The following VPS13C variants were observed in gnomAD, a reference collection of about 807,000 sequenced individuals.
The protein encoded by VPS13C is vacuolar protein sorting 13 homolog C, also known as intermembrane lipid transfer protein VPS13C.
VPS13C carries 358 observed loss-of-function variants against 456.8 expected under a neutral mutation model. The observed-to-expected ratio is 0.78, with a 90% confidence interval of 0.72 to 0.86. The LOEUF is 0.86. VPS13C is among the 40% of genes least tolerant of loss of function. VPS13C has a pLI of 0.00. For synonymous variants in VPS13C, 1,578 were observed against 1,486.7 expected, an observed-to-expected ratio of 1.06 and a Z score of -1.41; for missense variants, 4,818 against 4,385.4, an observed-to-expected ratio of 1.10 and a Z score of -2.79.
rs898991490 is a variant in VPS13C at position 61,941,432 on chromosome 15, T to C, written c.5453+331A>G. On this transcript the variant is annotated intron_variant, in intron 46 of 84. Coordinates refer to ENST00000644861, the MANE Select transcript of VPS13C (RefSeq NM_020821.3). ...AAATTTTATATATTACGAAGTTTTT[T>C]CCCACCAAAAATAAAAAAGGAAATA... 1.1e-4 allele frequency among the ~76,000 whole-genome samples: 17 copies of C among 152,120 alleles called. No individual in the cohort carries two copies. The East Asian group carries it at 1.9e-3, about 17-fold the overall frequency.
At chr15:61,997,931 T>C (rs994568042) in intron 16 of VPS13C, among the ~76,000 whole-genome samples, 2 of 152,202 alleles carry the variant, frequency 1.3e-5, no homozygotes. Context: ...CAAAACCTAC[T>C]ATTAGTTTCC....
chr15:62,033,489 T>C lies in VPS13C; in HGVS notation c.337A>G (p.Lys113Glu). The change falls in exon 5 of 85, where the codon AAA (lysine) becomes GAA (glutamate). Residue 113 changes from lysine (K) to glutamate (E), a missense_variant. By Grantham distance (56) the Lys-to-Glu change is moderately conservative. This residue lies in a region of VPS13C where 4,552 missense variants were observed against 4,130.6 expected (regional missense o/e 1.10). Transcript: ENST00000644861. ...GCTTCTTCAATTCGGGATAGCTCTTTCTGTTTAACATCCTGCAAGGATTTT... is the reference window on the plus strand; with the variant it reads ...GCTTCTTCAATTCGGGATAGCTCTTCCTGTTTAACATCCTGCAAGGATTTT... ...EEKSLQDVKQKELSRIEEALQ... is the reference protein window; with the variant it reads ...EEKSLQDVKQEELSRIEEALQ... 6.2e-7 allele frequency: 1 copy of C among 1,608,204 alleles called. No individual in the cohort carries two copies. The highest frequency in any genetic ancestry group is 8.5e-7 in the Non-Finnish European group (1 of 1,176,858).
chr15:61,854,745 G>A, intron 84 of VPS13C, 126 bp downstream of exon 84: 1 of 1,019,076 alleles, frequency 9.8e-7, no homozygotes, highest in Non-Finnish European at 1.4e-6. Flanking sequence ...AGCATATTAA[G>A]TTTATATATC....
Position 61,946,508 on chromosome 15 carries a change from A to T in VPS13C, c.4877-98T>A, listed in dbSNP as rs117630753. 1.3e-5 allele frequency: 10 copies of T among 792,442 alleles called. No homozygotes were observed. In the East Asian group the frequency reaches 3.0e-4, roughly 24 times the overall value. The allele number at this position is 792,442 out of a possible 1,614,324, so 49.1% of individuals were successfully genotyped here. On this transcript the variant is annotated intron_variant, in intron 43 of 84. Transcript: ENST00000644861. ...AATATACTGACAAGATATAAAGTGAATAAAAATTACTCATTATAAGACACA... is the reference window on the plus strand; with the variant it reads ...AATATACTGACAAGATATAAAGTGATTAAAAATTACTCATTATAAGACACA...
At chr15:61,910,444 C>T in intron 63 of VPS13C, 139 bp from the exon 64 acceptor site, 1 of 534,538 alleles carries the variant, frequency 1.9e-6, no homozygotes, top group Non-Finnish European at 2.7e-6. Context: ...TCCTCTACAT[C>T]TCATAGTAAG....
chr15:61,932,927 A>G (rs1214567349), intron 49 of VPS13C, among the ~76,000 whole-genome samples: 2 of 152,318 alleles, frequency 1.3e-5, no homozygotes, highest in Admixed American at 6.5e-5. Context: ...TTCAGATTAT[A>G]TAACACAATG....
chr15:61,952,891 ATCT>A (rs1457668929), intron 38 of VPS13C, among the ~76,000 whole-genome samples: 1 of 151,520 alleles, frequency 6.6e-6, no homozygotes, highest in Non-Finnish European at 1.5e-5. Flanking sequence ...TAAAAAAAAA[ATCT>A]TTTTTTTTTT....
chr15:61,856,809 A>C (rs1893941964), intron 82 of VPS13C: 1 of 157,968 alleles, frequency 6.3e-6, no homozygotes, highest in Admixed American at 6.5e-5. Context: ...ATGTCCCTGA[A>C]AATGTTTTAC....
intron 83 of VPS13C, among the ~76,000 whole-genome samples, chr15:61,855,715 GAAT>G (rs1295005798): frequency 6.6e-6 from 1 of 151,780 alleles, no homozygotes; most frequent in African/African-American, 2.4e-5. Context: ...GCCATATTTA[GAAT>G]AATAATTTAT....
intron 9 of VPS13C, among the ~76,000 whole-genome samples, chr15:62,017,453 G>A (rs79475398): frequency 0.54 from 82,103 of 151,616 alleles, 22,509 homozygotes; most frequent in Admixed American, 0.62. Flanking sequence ...ATCTTGAATT[G>A]ATTTTTGTAT....
chr15:61,864,700 C>G (rs749396716), intron 81 of VPS13C: 2 of 985,430 alleles, frequency 2.0e-6, no homozygotes, highest in Non-Finnish European at 2.4e-6. Flanking sequence ...CCACAAAGAA[C>G]TGGGATCTCA....
At chr15:61,937,027 C>A (rs907275662) in intron 47 of VPS13C, among the ~76,000 whole-genome samples, 1 of 152,160 alleles carries the variant, frequency 6.6e-6, no homozygotes, top group Non-Finnish European at 1.5e-5. Flanking sequence ...TGGACCCGTG[C>A]CTATCTGTCC....
Position 61,890,764 on chromosome 15 carries a change from T to C in VPS13C, c.9106-364A>G, listed in dbSNP as rs146695863. ...CGGAAGTTTATTAGAGATGTAACCT[T>C]AGCCCAGAGTGGTGGCTCACGCCTA... On this transcript the variant is annotated intron_variant, in intron 66 of 84. Transcript: ENST00000644861. Among the ~76,000 whole-genome samples, 38 of 152,234 alleles carry C rather than the reference T, an allele frequency of 2.5e-4. No homozygotes were observed. The East Asian group carries it at 7.2e-3, about 29-fold the overall frequency.
At chr15:61,893,869 C>G (rs917359164) in intron 66 of VPS13C, among the ~76,000 whole-genome samples, 1 of 151,536 alleles carries the variant, frequency 6.6e-6, no homozygotes, top group Non-Finnish European at 1.5e-5. Context: ...TTTTTGTAAG[C>G]CTCATAGTAA....
At position 61,933,438 on chromosome 15, in the gene VPS13C, T is replaced by C. The variant is rs192937800; in HGVS notation, c.5868+781A>G. Among the ~76,000 whole-genome samples, 26 of 152,278 alleles carry C rather than the reference T, an allele frequency of 1.7e-4. No homozygotes were observed. The East Asian group carries it at 4.8e-3, about 28-fold the overall frequency. ...GAAATATAAATGAACATATTTCATATAAATGGACATTAACAGATATAATAC... is the reference window on the plus strand; with the variant it reads ...GAAATATAAATGAACATATTTCATACAAATGGACATTAACAGATATAATAC... On this transcript the variant is annotated intron_variant, in intron 49 of 84. Coordinates refer to ENST00000644861, the MANE Select transcript of VPS13C (RefSeq NM_020821.3).
chr15:61,931,308 A>G, intron 49 of VPS13C, 49 bp from the exon 50 acceptor site: 1 of 1,493,940 alleles, frequency 6.7e-7, no homozygotes, highest in Admixed American at 2.3e-5. Context: ...TAAATATTAT[A>G]TAATTACTTT....
At chr15:61,912,236 G>A (rs913819482) in intron 62 of VPS13C, among the ~76,000 whole-genome samples, 5 of 152,056 alleles carry the variant, frequency 3.3e-5, no homozygotes, top group African/African-American at 4.8e-5. Flanking sequence ...TTTAACTAAC[G>A]ACTTACAATG....
Position 62,044,231 on chromosome 15 carries a change from T to G in VPS13C, c.125A>C (p.Gln42Pro), listed in dbSNP as rs2140731658. The G allele has an allele frequency of 6.7e-7, 1 of 1,484,048 alleles. No individual in the cohort carries two copies. Among genetic ancestry groups the G allele is most frequent in the East Asian group, 2.3e-5 (1 of 43,058 alleles). The allele number at this position is 1,484,048 out of a possible 1,614,324, so 91.9% of individuals were successfully genotyped here. Residue 42 changes from glutamine to proline, a missense_variant, in exon 2 of 85, where the codon CAG (glutamine) becomes CCG (proline). This residue lies in a region of VPS13C where 4,552 missense variants were observed against 4,130.6 expected (regional missense o/e 1.10). Transcript: ENST00000644861. ...WGGNVALDNL[Q>P]IKENALSELD... ...ACTTACCAGGGCATTTTCTTTTATC[T>G]GTAGATTATCTAAAGCCACATTTCC...
intron 30 of VPS13C, among the ~76,000 whole-genome samples, chr15:61,965,785 G>T (rs1272153728): frequency 6.6e-6 from 1 of 151,718 alleles, no homozygotes; most frequent in South Asian, 2.1e-4. Flanking sequence ...TATCTAGTTT[G>T]GCTAGTTTAG....
Sources: gnomAD v4.1 joint callset for allele counts (sites outside exome capture counted in the v4.1 genomes callset) on GRCh38, gnomAD v4.1.1 for gene constraint, gnomAD v4.1.1 regional missense constraint, MANE v1.5 for transcripts, NCBI Gene and HGNC (gene_info 2026-07-23, HGNC 2026-07-21) for gene names.